ROBO2: variants seen among roughly 807,000 people sequenced by gnomAD.
ROBO2 encodes roundabout homolog 2.
In ROBO2, 53 loss-of-function variants were observed where a neutral mutation model predicts 160.8. That is an observed-to-expected ratio of 0.33 (90% CI 0.26 to 0.41). ROBO2 has a LOEUF of 0.41. ROBO2 is among the 10% of genes least tolerant of loss of function. The pLI, the probability that ROBO2 is intolerant of heterozygous loss-of-function variation, is 1.00. For synonymous variants in ROBO2, 664 were observed against 611.7 expected (o/e 1.09, Z -1.26); for missense variants, 1,577 against 1,722.4 (o/e 0.92, Z 1.49).
intron 2 of ROBO2, among the ~76,000 whole-genome samples, chr3:76,344,749 C>T (rs539822895): frequency 2.0e-5 from 3 of 152,012 alleles, no homozygotes; most frequent in African/African-American, 4.8e-5. Flanking sequence ...GTTAAAATGC[C>T]CATTATACAG....
intron 2 of ROBO2, among the ~76,000 whole-genome samples, chr3:76,622,507 TC>T (rs2089295883): frequency 6.6e-6 from 1 of 151,946 alleles, no homozygotes; most frequent in Non-Finnish European, 1.5e-5. Context: ...TATTTAACAG[TC>T]CCATCCCCTA....
At chr3:76,220,489 T>A (rs1242651927) in intron 2 of ROBO2, among the ~76,000 whole-genome samples, 1 of 152,114 alleles carries the variant, frequency 6.6e-6, no homozygotes, top group South Asian at 2.1e-4. Context: ...GCTGCTTTTG[T>A]CTTTCTGCCC....
intron 2 of ROBO2, among the ~76,000 whole-genome samples, chr3:77,011,990 C>G (rs890353401): frequency 6.6e-6 from 1 of 151,986 alleles, no homozygotes; most frequent in Non-Finnish European, 1.5e-5. Flanking sequence ...TTCTCTTTCT[C>G]TAATCTAAAA....
At chr3:76,757,163 A>C (rs915950139) in intron 2 of ROBO2, among the ~76,000 whole-genome samples, 1 of 151,828 alleles carries the variant, frequency 6.6e-6, no homozygotes, top group African/African-American at 2.4e-5. Flanking sequence ...CATTTTGCAG[A>C]GAAGAAAATG....
chr3:76,145,948 C>T (rs75353215), intron 2 of ROBO2, among the ~76,000 whole-genome samples: 2,171 of 152,050 alleles, frequency 0.014, 52 homozygotes, highest in African/African-American at 0.049. Flanking sequence ...AGGAAATGGT[C>T]GCAGTGAGGG....
chr3:77,601,672 A>T (rs1559702310), intron 19 of ROBO2, among the ~76,000 whole-genome samples: 1 of 152,196 alleles, frequency 6.6e-6, no homozygotes, highest in Non-Finnish European at 1.5e-5. Flanking sequence ...CAAGAAAAAA[A>T]ATGCACTCTC....
At chr3:77,252,831 AAT>A (rs1553872376) in intron 2 of ROBO2, among the ~76,000 whole-genome samples, 27 of 12,514 alleles carry the variant, frequency 2.2e-3, no homozygotes, top group African/African-American at 4.1e-3. Context: ...AAAAAAAAAA[AAT>A]ATATATATAT....
chr3:77,289,712 T>C (rs1051921542), intron 2 of ROBO2, among the ~76,000 whole-genome samples: 9 of 148,346 alleles, frequency 6.1e-5, no homozygotes, highest in East Asian at 4.1e-4. Context: ...TAAAGTAAAA[T>C]TGACGGTTAA....
intron 2 of ROBO2, among the ~76,000 whole-genome samples, chr3:77,421,606 G>C (rs1042180035): frequency 2.0e-5 from 3 of 151,942 alleles, no homozygotes; most frequent in Non-Finnish European, 4.4e-5. Flanking sequence ...TTTTTTGTTG[G>C]ATCACAGAGC....
chr3:77,549,613 A>AAT (rs1192777664), intron 7 of ROBO2, among the ~76,000 whole-genome samples: 2 of 152,002 alleles, frequency 1.3e-5, no homozygotes, highest in African/African-American at 4.8e-5. Context: ...ACTTGAATCT[A>AAT]ATAAAGTGGA....
chr3:76,968,894 T>G (rs1262454120), intron 2 of ROBO2, among the ~76,000 whole-genome samples: 1 of 152,164 alleles, frequency 6.6e-6, no homozygotes, highest in East Asian at 1.9e-4. Flanking sequence ...AGTTGGTATT[T>G]CCAATTTAAT....
chr3:77,127,134 C>G (rs2075413419), intron 2 of ROBO2, among the ~76,000 whole-genome samples: 1 of 152,048 alleles, frequency 6.6e-6, no homozygotes, highest in Non-Finnish European at 1.5e-5. Flanking sequence ...AAATGTTGAC[C>G]TACAGGAAGC....
At chr3:77,031,662 A>G (rs2063333773) in intron 2 of ROBO2, among the ~76,000 whole-genome samples, 1 of 146,794 alleles carries the variant, frequency 6.8e-6, no homozygotes, top group South Asian at 2.1e-4. Context: ...GACACATAAT[A>G]TATAATATAT....
At chr3:76,440,396 C>T (rs563951966) in intron 2 of ROBO2, among the ~76,000 whole-genome samples, 1 of 152,058 alleles carries the variant, frequency 6.6e-6, no homozygotes, top group Admixed American at 6.6e-5. Flanking sequence ...GCTATCCCTC[C>T]CCTCTCCCCC....
intron 2 of ROBO2, among the ~76,000 whole-genome samples, chr3:77,200,267 T>TTTTATATA (rs1560218166): frequency 2.1e-5 from 1 of 46,590 alleles, no homozygotes; most frequent in African/African-American, 5.2e-5. Flanking sequence ...CTAACATATT[T>TTTTATATA]TATATATATA....
chr3:76,284,401 C>T (rs1046557114), intron 2 of ROBO2, among the ~76,000 whole-genome samples: 1 of 141,714 alleles, frequency 7.1e-6, no homozygotes, highest in East Asian at 2.4e-4. Context: ...GGGAGTGTGA[C>T]TCCTATAAAA....
rs553557161 is a variant in ROBO2, at chr3:77,576,238, A to C, written c.2204-1252A>C. Among the ~76,000 whole-genome samples, 4 of 152,260 alleles carry C rather than the reference A, an allele frequency of 2.6e-5. No individual in the cohort carries two copies. The East Asian group carries it at 7.8e-4, about 30-fold the overall frequency. On this transcript the variant is annotated intron_variant, in intron 14 of 25. Transcript: ENST00000461745. ...GAATAGGAAAGACCAGTACTCTATT[A>C]ACATGTTGCTGTGTGTGTCCTATAT...
intron 2 of ROBO2, among the ~76,000 whole-genome samples, chr3:76,268,276 G>A (rs1707218132): frequency 6.6e-6 from 1 of 152,098 alleles, no homozygotes; most frequent in African/African-American, 2.4e-5. Flanking sequence ...GAAGGGGAGG[G>A]GAGGGGAGGG....
intron 2 of ROBO2, among the ~76,000 whole-genome samples, chr3:76,807,957 AC>A (rs1340677508): frequency 6.6e-6 from 1 of 152,012 alleles, no homozygotes; most frequent in Admixed American, 6.6e-5. Flanking sequence ...AAATTACTTG[AC>A]AAAAAATATG....
Sources: gnomAD v4.1 joint callset for allele counts (sites outside exome capture counted in the v4.1 genomes callset) on GRCh38, gnomAD v4.1.1 for gene constraint, MANE v1.5 for transcripts, NCBI Gene and HGNC (gene_info 2026-07-23, HGNC 2026-07-21) for gene names.